The following DIDO1 variants were observed in gnomAD, a reference collection of about 807,000 sequenced individuals.
DIDO1 encodes the protein death-inducer obliterator 1.
Under a neutral mutation model 99.4 loss-of-function variants are expected in DIDO1, and 16 were observed. That is an observed-to-expected ratio of 0.16 (90% CI 0.11 to 0.24). The LOEUF (loss-of-function observed/expected upper bound fraction) is 0.24, where lower values mean the gene tolerates loss of function less well. DIDO1 is among the 10% of genes least tolerant of loss of function. DIDO1 has a pLI of 1.00. For synonymous variants in DIDO1, 1,366 were observed against 1,239.1 expected (o/e 1.10, Z -2.15); for missense variants, 2,996 against 3,014.0 (o/e 0.99, Z 0.14).
In DIDO1 at chr20:62,878,931, C is replaced by T. The variant is rs567882082; in HGVS notation, c.*302G>A. Reference sequence around the variant, plus strand: ...ATGGCTCTAGGGTCCAACGAAACTCCCTTAAAATTTACAATAAAGTTATTG... The same window carrying T: ...ATGGCTCTAGGGTCCAACGAAACTCTCTTAAAATTTACAATAAAGTTATTG... On this transcript the variant is annotated 3_prime_UTR_variant, in exon 16 of 16. Coordinates refer to ENST00000395343, the MANE Select transcript of DIDO1 (RefSeq NM_001193369.2). 19 of 279,984 alleles carry T rather than the reference C, an allele frequency of 6.8e-5. No individual in the cohort carries two copies. In the South Asian group the frequency reaches 1.9e-3, roughly 28 times the overall value. 17.3% of individuals were successfully genotyped at this position (279,984 alleles called of 1,614,324 possible).
Position 62,881,337 on chromosome 20 carries a change from T to G in DIDO1, c.4619A>C (p.Gln1540Pro). The G allele has an allele frequency of 6.2e-7, 1 of 1,604,966 alleles. No homozygotes were observed. Among genetic ancestry groups the G allele is most frequent in the East Asian group, 2.2e-5 (1 of 44,866 alleles). The change falls in exon 16 of 16, where the codon CAG (glutamine) becomes CCG (proline). Residue 1540 changes from glutamine (Q) to proline (P), a missense_variant. Physicochemically the swap from Gln to Pro is moderately conservative, Grantham distance 76 (BLOSUM62 -1). Around this residue, in one of 5 missense-constraint regions of DIDO1, gnomAD observed 1,562 missense variants for 1,412.6 expected, o/e 1.11. Transcript: ENST00000395343. The surrounding 1 kb of genome is among the most constrained non-coding windows in gnomAD (Gnocchi z 8.3). Reference protein sequence around the residue: ...PKAELFQQEQQSADKPASLPP... With the variant: ...PKAELFQQEQPSADKPASLPP... ...CAGTGAGGCGGGCTTGTCTGCAGAC[T>G]GCTGCTCTTGCTGGAACAGCTCTGC... is the stretch of plus-strand genomic sequence containing the variant.
At chr20:62,930,057 T>C (rs1389405279), upstream of DIDO1, among the ~76,000 whole-genome samples, 1 of 151,940 alleles carries the variant, frequency 6.6e-6, no homozygotes, top group African/African-American at 2.4e-5. Flanking sequence ...CTGACCAACA[T>C]GGTGAAACCC....
At chr20:62,934,125 G>A (rs2065358371) in intron 1 of DIDO1, among the ~76,000 whole-genome samples, 2 of 152,128 alleles carry the variant, frequency 1.3e-5, no homozygotes, top group Admixed American at 1.3e-4. Context: ...TGTCCCAGAT[G>A]CCAACCCGTG....
rs2064268545 is a variant in DIDO1 at position 62,884,588 on chromosome 20, T to C, written c.3542-2174A>G. On this transcript the variant is annotated intron_variant, in intron 15 of 15. Transcript: ENST00000395343. Reference sequence around the variant, plus strand: ...TGCTTCAGGCACCACCATGTAGTTCTAAGTACATCTGTTGTTCATCTCCCT... The same window carrying C: ...TGCTTCAGGCACCACCATGTAGTTCCAAGTACATCTGTTGTTCATCTCCCT... Among the ~76,000 whole-genome samples, 3 of 152,340 alleles carry C rather than the reference T, an allele frequency of 2.0e-5. No homozygotes were observed. In the South Asian group the frequency reaches 6.2e-4, roughly 32 times the overall value.
chr20:62,891,339 C>T (rs73314606), intron 14 of DIDO1, among the ~76,000 whole-genome samples, 184 bp from the exon 15 acceptor site: 6,960 of 152,220 alleles, frequency 0.046, 546 homozygotes, highest in African/African-American at 0.16. Context: ...TGTCTGGAGC[C>T]GAGCCGGCTC....
Position 62,932,310 on chromosome 20 carries a change from T to C in DIDO1, c.-200+5486A>G, listed in dbSNP as rs557444125. 1.9e-3 allele frequency among the ~76,000 whole-genome samples: 287 copies of C among 152,308 alleles called. 1 individual carries two copies. Among genetic ancestry groups the C allele is most frequent in the Non-Finnish European group, 3.3e-3 (223 of 68,022 alleles). ...GAGTTGAAGGCCAGCCTGGGAAACATAGGAACTCTTATTTCTACTTCTACC... is the reference window on the plus strand; with the variant it reads ...GAGTTGAAGGCCAGCCTGGGAAACACAGGAACTCTTATTTCTACTTCTACC... On this transcript the variant is annotated intron_variant, in intron 1 of 15. Coordinates refer to the DIDO1 transcript ENST00000266070.
Position 62,909,702 on chromosome 20 carries a change from C to T in DIDO1, c.1158G>A (p.Gln386=), listed in dbSNP as rs756925710. 1 of 1,612,868 alleles carries T rather than the reference C, an allele frequency of 6.2e-7. No homozygotes were observed. Among genetic ancestry groups the T allele is most frequent in the East Asian group, 2.2e-5 (1 of 44,882 alleles). Reference sequence around the variant, plus strand: ...GTCTCAGCGGACAAACACTTACAGGCTGGAAGATCTTGAGTTTCTTCTTGC... The same window carrying T: ...GTCTCAGCGGACAAACACTTACAGGTTGGAAGATCTTGAGTTTCTTCTTGC... ...PSGKKKLKIF[Q]PVIEAPGASK... is the part of the protein sequence containing the mutation. Residue 386 remains glutamine, a synonymous_variant, in exon 4 of 16, where the codon CAG becomes CAA. Coordinates refer to ENST00000395343, the MANE Select transcript of DIDO1 (RefSeq NM_001193369.2).
At chr20:62,930,390 T>C (rs548060196), upstream of DIDO1, among the ~76,000 whole-genome samples, 1 of 152,148 alleles carries the variant, frequency 6.6e-6, no homozygotes, top group African/African-American at 2.4e-5. Flanking sequence ...TGGACGATAG[T>C]GGGTAACATA....
rs59453100 is a variant in DIDO1, at chr20:62,911,607, G to A, written c.6C>T (p.Asp2=). M[D]DKGDPSNEEA... is the part of the protein sequence containing the mutation. Reference sequence around the variant, plus strand: ...CCTCATTGCTCGGGTCGCCTTTGTCGTCCATACCTAGCGGTAAAGTGTAAG... The same window carrying A: ...CCTCATTGCTCGGGTCGCCTTTGTCATCCATACCTAGCGGTAAAGTGTAAG... Residue 2 remains aspartate, a synonymous_variant, in exon 3 of 16, where the codon GAC becomes GAT. Coordinates refer to ENST00000395343, the MANE Select transcript of DIDO1 (RefSeq NM_001193369.2). The surrounding 1 kb of genome is among the most constrained non-coding windows in gnomAD (Gnocchi z 7.0). 1.7e-5 allele frequency: 26 copies of A among 1,570,510 alleles called. No homozygotes were observed. Among genetic ancestry groups the A allele is most frequent in the African/African-American group, 2.7e-5 (2 of 73,770 alleles).
chr20:62,909,482 G>A (rs1198509466), intron 4 of DIDO1, among the ~76,000 whole-genome samples: 2 of 152,200 alleles, frequency 1.3e-5, no homozygotes, highest in African/African-American at 4.8e-5. Flanking sequence ...CTCAAAGATG[G>A]GCTGATTTCA....
At chr20:62,904,780 C>CAA (rs58039393) in intron 6 of DIDO1, among the ~76,000 whole-genome samples, 1,207 of 62,538 alleles carry the variant, frequency 0.019, 96 homozygotes, top group African/African-American at 0.04. Flanking sequence ...ACTCTTGTCT[C>CAA]AAAAAAAAAA....
At chr20:62,929,695 G>A (rs7270780), upstream of DIDO1, among the ~76,000 whole-genome samples, 43,268 of 88,698 alleles carry the variant, frequency 0.49, 12,740 homozygotes, top group African/African-American at 0.76. Context: ...AAGAAAAAGT[G>A]TATATATATA....
intron 6 of DIDO1, among the ~76,000 whole-genome samples, chr20:62,900,030 G>A (rs150271448): frequency 6.6e-6 from 1 of 152,338 alleles, no homozygotes; most frequent in East Asian, 1.9e-4. Flanking sequence ...AGGGCAAGCA[G>A]CAACTCCAGG....
In DIDO1 at chr20:62,896,443, C is replaced by G; in HGVS notation, c.2055-51G>C. On this transcript the variant is annotated intron_variant, in intron 7 of 15. Coordinates refer to ENST00000395343, the MANE Select transcript of DIDO1 (RefSeq NM_001193369.2). The surrounding 1 kb of genome is among the most constrained non-coding windows in gnomAD (Gnocchi z 4.4). ...ACATAAGACACTTGTGTATATTAAACTTTTTGAACAGTGAGGCAATCCTGC... is the reference window on the plus strand; with the variant it reads ...ACATAAGACACTTGTGTATATTAAAGTTTTTGAACAGTGAGGCAATCCTGC... 6.3e-7 allele frequency: 1 copy of G among 1,591,420 alleles called. No individual in the cohort carries two copies. The highest frequency in any genetic ancestry group is 8.5e-7 in the Non-Finnish European group (1 of 1,173,242).
intron 1 of DIDO1, among the ~76,000 whole-genome samples, chr20:62,922,133 C>CAT (rs1372898520): frequency 1.4e-5 from 2 of 145,658 alleles, no homozygotes; most frequent in African/African-American, 2.7e-5. Context: ...CACATATATA[C>CAT]ATATATACAC....
intron 6 of DIDO1, among the ~76,000 whole-genome samples, chr20:62,901,053 GCTCCT>G (rs1464544175): frequency 6.6e-6 from 1 of 152,242 alleles, no homozygotes; most frequent in African/African-American, 2.4e-5. Flanking sequence ...TTCTGCTTTT[GCTCCT>G]CTCAACATGC....
At chr20:62,913,337 T>G (rs921893787) in intron 2 of DIDO1, among the ~76,000 whole-genome samples, 1 of 151,980 alleles carries the variant, frequency 6.6e-6, no homozygotes, top group Non-Finnish European at 1.5e-5. Flanking sequence ...CTCTGGAGGC[T>G]GCTGTGTGAG....
chr20:62,906,840 C>T (rs565140702), intron 5 of DIDO1, among the ~76,000 whole-genome samples: 2 of 152,352 alleles, frequency 1.3e-5, no homozygotes, highest in East Asian at 3.9e-4. Context: ...AGTCTACGCT[C>T]TACAAACTCC....
chr20:62,919,649 G>C (rs1234061966), intron 1 of DIDO1, among the ~76,000 whole-genome samples: 1 of 152,186 alleles, frequency 6.6e-6, no homozygotes, highest in Non-Finnish European at 1.5e-5. Context: ...ACATTTCTTG[G>C]GTATTTGTGT....
Sources: gnomAD v4.1 joint callset for allele counts (sites outside exome capture counted in the v4.1 genomes callset) on GRCh38, gnomAD v4.1.1 for gene constraint, gnomAD v4.1.1 regional missense constraint, Gnocchi (gnomAD v3.1) non-coding constraint, MANE v1.5 for transcripts, NCBI Gene and HGNC (gene_info 2026-07-23, HGNC 2026-07-21) for gene names.